The following RSPRY1 variants were observed in gnomAD, a reference collection of about 807,000 sequenced individuals.
RSPRY1 encodes RING finger and SPRY domain-containing protein 1.
In RSPRY1, 23 loss-of-function variants were observed where a neutral mutation model predicts 73.1. The observed-to-expected ratio is 0.31, with a 90% CI of 0.23 to 0.45. The LOEUF is 0.45. RSPRY1 is among the 20% of genes least tolerant of loss of function. The pLI, the probability that RSPRY1 is intolerant of heterozygous loss-of-function variation, is 1.00. For synonymous variants in RSPRY1, 226 were observed against 251.4 expected, an observed-to-expected ratio of 0.90 and a Z score of 0.95; for missense variants, 448 against 698.7, an observed-to-expected ratio of 0.64 and a Z score of 4.05.
chr16:57,202,953 C>T (rs929905329), intron 1 of RSPRY1, among the ~76,000 whole-genome samples: 6 of 144,752 alleles, frequency 4.1e-5, no homozygotes, highest in Non-Finnish European at 6.1e-5. Flanking sequence ...TCTATGTTTT[C>T]CCTGTAGCAG....
chr16:57,190,597 T>G (rs1336194190), intron 1 of RSPRY1, among the ~76,000 whole-genome samples: 1 of 152,252 alleles, frequency 6.6e-6, no homozygotes, highest in Admixed American at 6.5e-5. Context: ...GTTTTTTCCC[T>G]GATATTCAAA....
At chr16:57,217,973 A>G (rs759158701) in intron 8 of RSPRY1, among the ~76,000 whole-genome samples, 28 of 152,276 alleles carry the variant, frequency 1.8e-4, no homozygotes, top group Non-Finnish European at 3.5e-4. Flanking sequence ...GCATAAATCT[A>G]GCAGTGCTGC....
intron 1 of RSPRY1, among the ~76,000 whole-genome samples, chr16:57,196,984 T>C (rs2074458070): frequency 1.3e-5 from 2 of 152,176 alleles, no homozygotes; most frequent in African/African-American, 2.4e-5. Flanking sequence ...CGTGTATCAG[T>C]AAATATTGCA....
At chr16:57,213,750 C>G in intron 5 of RSPRY1, 138 bp from the exon 6 acceptor site, 5 of 697,712 alleles carry the variant, frequency 7.2e-6, no homozygotes, top group Non-Finnish European at 1.3e-5. Flanking sequence ...GGAGCTAGTA[C>G]TATTTTCTAC....
intron 1 of RSPRY1, among the ~76,000 whole-genome samples, chr16:57,189,375 A>AT (rs2074310529): frequency 6.6e-6 from 1 of 151,990 alleles, no homozygotes; most frequent in Admixed American, 6.6e-5. Context: ...TGTCAGCAAA[A>AT]TAACTTTTCA....
chr16:57,217,751 T>A (rs1319182921), intron 8 of RSPRY1, among the ~76,000 whole-genome samples: 1 of 152,110 alleles, frequency 6.6e-6, no homozygotes, highest in Non-Finnish European at 1.5e-5. Flanking sequence ...AGATTAAGAG[T>A]GATCAACCTG....
chr16:57,190,893 G>A (rs2074341237), intron 1 of RSPRY1, among the ~76,000 whole-genome samples: 1 of 152,178 alleles, frequency 6.6e-6, no homozygotes, highest in Non-Finnish European at 1.5e-5. Context: ...ATCAGGAAAA[G>A]TTATCTTATA....
chr16:57,214,678 A>G (rs2074906979), intron 6 of RSPRY1, among the ~76,000 whole-genome samples: 1 of 152,248 alleles, frequency 6.6e-6, no homozygotes, highest in Non-Finnish European at 1.5e-5. Flanking sequence ...TACTCAGACA[A>G]GGTAATTAGC....
intron 1 of RSPRY1, among the ~76,000 whole-genome samples, chr16:57,202,232 G>C (rs1432879964): frequency 6.6e-6 from 1 of 151,988 alleles, no homozygotes; most frequent in African/African-American, 2.4e-5. Context: ...ATTGTTACGG[G>C]GGGTGGGTGG....
intron 9 of RSPRY1, 113 bp from the exon 10 acceptor site, chr16:57,221,159 A>T: frequency 7.8e-7 from 1 of 1,285,140 alleles, no homozygotes; most frequent in Non-Finnish European, 1.1e-6. Context: ...AGGAAGCAAT[A>T]GTCCACCAGA....
Position 57,238,951 on chromosome 16 carries a change from C to A in RSPRY1, c.1707C>A (p.Ile569=). Residue 569 remains isoleucine (I), a synonymous_variant, in exon 15 of 15, where the codon ATC becomes ATA. Coordinates refer to ENST00000394420, the MANE Select transcript of RSPRY1 (RefSeq NM_133368.3). ...PLCRKEIVSR[I]RQISHIS The stretch of plus-strand genomic sequence containing the variant: ...GTCGTAAAGAAATAGTATCTAGAAT[C>A]AGACAGATTTCTCATATTTCATGAC... 6.2e-7 allele frequency: 1 copy of A among 1,603,210 alleles called. No homozygotes were observed. Among genetic ancestry groups the A allele is most frequent in the South Asian group, 1.1e-5 (1 of 89,694 alleles).
chr16:57,186,310 G>A (rs2074169516), upstream of RSPRY1: 2 of 301,268 alleles, frequency 6.6e-6, no homozygotes, highest in Non-Finnish European at 4.9e-6. Context: ...GGGCTGGGGC[G>A]GTACGAAGCG....
At chr16:57,189,430 ATAG>A (rs1261453892) in intron 1 of RSPRY1, among the ~76,000 whole-genome samples, 5 of 152,008 alleles carry the variant, frequency 3.3e-5, no homozygotes, top group Non-Finnish European at 7.4e-5. Flanking sequence ...ATTTTGTATA[ATAG>A]TGTGTTAATC....
intron 6 of RSPRY1, among the ~76,000 whole-genome samples, 179 bp downstream of exon 6, chr16:57,214,125 A>G (rs1448744116): frequency 6.6e-6 from 1 of 152,180 alleles, no homozygotes; most frequent in Non-Finnish European, 1.5e-5. Context: ...TAAAAAAGAG[A>G]GTGGGATTGG....
chr16:57,202,878 T>TTTTATATATATATATATATATA (rs1237175240), intron 1 of RSPRY1, among the ~76,000 whole-genome samples: 7 of 131,634 alleles, frequency 5.3e-5, no homozygotes, highest in East Asian at 5.5e-4. Flanking sequence ...TTACATATGA[T>TTTTATATATATATATATATATA]TATATATATA....
At chr16:57,186,158 G>C, upstream of RSPRY1, 2 of 985,624 alleles carry the variant, frequency 2.0e-6, no homozygotes, top group South Asian at 9.4e-5. Flanking sequence ...GGCCATTCAC[G>C]CCTCAGGATG....
At chr16:57,197,844 C>T (rs2146194175) in intron 1 of RSPRY1, among the ~76,000 whole-genome samples, 1 of 152,252 alleles carries the variant, frequency 6.6e-6, no homozygotes, top group African/African-American at 2.4e-5. Context: ...CCACCTCAAC[C>T]TCCTGAGTAT....
intron 11 of RSPRY1, 57 bp from the exon 12 acceptor site, chr16:57,230,654 C>A: frequency 2.1e-6 from 2 of 962,664 alleles, no homozygotes; most frequent in Non-Finnish European, 1.7e-6. Flanking sequence ...AGATGCTTAG[C>A]AAAGAATCCT....
At chr16:57,207,833 G>A (rs77694385) in intron 2 of RSPRY1, 27,371 of 548,838 alleles carry the variant, frequency 0.05, 1,895 homozygotes, top group East Asian at 0.23. Flanking sequence ...GTATCCACCT[G>A]CCCATTTTGT....
Sources: allele counts gnomAD v4.1 joint callset (sites outside exome capture counted in the v4.1 genomes callset), GRCh38; gene constraint gnomAD v4.1.1; transcripts MANE v1.5; gene names NCBI Gene and HGNC (gene_info 2026-07-23, HGNC 2026-07-21).